Variants in ERC1 observed in about 807,000 individuals in gnomAD.
ERC1 encodes the protein RAB6 interacting protein 2.
ERC1 carries 56 observed loss-of-function variants against 132.0 expected under a neutral mutation model. The observed-to-expected ratio is 0.42, with a 90% CI of 0.34 to 0.53. ERC1 has a LOEUF of 0.53. Ranked by LOEUF, ERC1 falls within the 20% of genes least tolerant of loss-of-function variation. The pLI is 0.03. For synonymous variants in ERC1, 478 were observed against 476.1 expected (o/e 1.00, Z -0.05); for missense variants, 1,202 against 1,349.9 (o/e 0.89, Z 1.72).
chr12:1,349,198 C>G (rs1384718581), intron 15 of ERC1, among the ~76,000 whole-genome samples: 1 of 152,192 alleles, frequency 6.6e-6, no homozygotes, highest in Admixed American at 6.5e-5. Context: ...GTGTTTATAA[C>G]AGAGTCCCAA....
chr12:1,489,235 G>A (rs1338725962), intron 18 of ERC1, among the ~76,000 whole-genome samples: 1 of 152,108 alleles, frequency 6.6e-6, no homozygotes, highest in Non-Finnish European at 1.5e-5. Context: ...GTTCTTCTGC[G>A]CTAAGCCTCC....
intron 16 of ERC1, among the ~76,000 whole-genome samples, chr12:1,379,832 T>G (rs1591639555): frequency 6.6e-6 from 1 of 152,086 alleles, no homozygotes; most frequent in African/African-American, 2.4e-5. Flanking sequence ...CCTTATTCTG[T>G]TCACACAGAC....
chr12:1,151,657 A>G (rs187195914), intron 8 of ERC1, among the ~76,000 whole-genome samples: 3 of 152,312 alleles, frequency 2.0e-5, no homozygotes, highest in East Asian at 1.9e-4. Context: ...GCACTTTTCT[A>G]TGTGAATTAT....
At chr12:1,039,877 C>T (rs1969876583) in intron 2 of ERC1, among the ~76,000 whole-genome samples, 1 of 152,126 alleles carries the variant, frequency 6.6e-6, no homozygotes, top group Non-Finnish European at 1.5e-5. Context: ...GAGGGAGAAG[C>T]CATTAGAAGA....
At chr12:1,007,540 C>CTCTCTGTGTG (rs1555194875) in intron 1 of ERC1, among the ~76,000 whole-genome samples, 3,563 of 122,660 alleles carry the variant, frequency 0.029, 86 homozygotes, top group South Asian at 0.057. Flanking sequence ...CTCTCTCTCT[C>CTCTCTGTGTG]TGTGTGTGTG....
intron 16 of ERC1, among the ~76,000 whole-genome samples, chr12:1,402,390 C>T (rs887816079): frequency 6.6e-6 from 1 of 151,998 alleles, no homozygotes; most frequent in African/African-American, 2.4e-5. Flanking sequence ...GTTAGCTGGG[C>T]ATGGTGGCGG....
intron 2 of ERC1, among the ~76,000 whole-genome samples, chr12:1,081,421 G>A (rs1289321770): frequency 6.6e-6 from 1 of 152,040 alleles, no homozygotes; most frequent in African/African-American, 2.4e-5. Context: ...ATTATCTTTG[G>A]GTATTACCAG....
chr12:1,248,481 G>A lies in ERC1; in HGVS notation c.2487+11577G>A, dbSNP rs78036609. On this transcript the variant is annotated intron_variant, in intron 13 of 18. Transcript: ENST00000360905. ...CCAAAGGATATTGAGATCTGAAAAAGCCTTATAAAAAGTGGAGAAGACAAA... is the reference window on the plus strand; with the variant it reads ...CCAAAGGATATTGAGATCTGAAAAAACCTTATAAAAAGTGGAGAAGACAAA... 5.5e-3 allele frequency among the ~76,000 whole-genome samples: 841 copies of A among 152,210 alleles called. 8 individuals are homozygous for A. Among genetic ancestry groups the A allele is most frequent in the Non-Finnish European group, 9.8e-3 (669 of 68,016 alleles).
intron 2 of ERC1, among the ~76,000 whole-genome samples, chr12:1,032,224 G>A (rs1968177985): frequency 6.6e-6 from 1 of 151,902 alleles, no homozygotes. Context: ...GCTAATTTTT[G>A]TATTTTAGTA....
chr12:1,106,658 C>A (rs544274681), intron 4 of ERC1, among the ~76,000 whole-genome samples: 5 of 151,722 alleles, frequency 3.3e-5, no homozygotes, highest in African/African-American at 1.2e-4. Context: ...CCTTTAGAAT[C>A]GTTCAGTTGC....
At chr12:1,202,026 A>G (rs1463748336) in intron 12 of ERC1, among the ~76,000 whole-genome samples, 1 of 152,174 alleles carries the variant, frequency 6.6e-6, no homozygotes, top group Admixed American at 6.5e-5. Context: ...AGGAAAAGAA[A>G]GATACCAGCA....
upstream of ERC1, chr12:990,952 A>AGTGTGTGTGAGT (rs1555185839): frequency 1.3e-5 from 2 of 150,032 alleles, no homozygotes; most frequent in Non-Finnish European, 3.0e-5. Flanking sequence ...TGTGTGTGTG[A>AGTGTGTGTGAGT]GTGTGTGTGT....
chr12:1,119,552 TGTGTGTGTGTGTGTGTGA>T (rs1226137910), intron 7 of ERC1, among the ~76,000 whole-genome samples: 2,039 of 107,520 alleles, frequency 0.019, 55 homozygotes, highest in South Asian at 0.033. Flanking sequence ...TGTGTGTGTG[TGTGTGTGTGTGTGTGTGA>T]GATGGAGTTT....
At chr12:1,302,839 A>T (rs549970967) in intron 15 of ERC1, among the ~76,000 whole-genome samples, 2 of 152,174 alleles carry the variant, frequency 1.3e-5, no homozygotes, top group South Asian at 4.2e-4. Context: ...GGCACACACC[A>T]GTGGTCCCAG....
intron 18 of ERC1, among the ~76,000 whole-genome samples, chr12:1,488,234 A>G (rs1421491064): frequency 1.3e-5 from 2 of 151,472 alleles, no homozygotes; most frequent in Non-Finnish European, 2.9e-5. Context: ...CCCCACCCTC[A>G]GCCTCCCAAG....
intron 14 of ERC1, among the ~76,000 whole-genome samples, chr12:1,264,437 C>T (rs927062071): frequency 6.6e-5 from 10 of 151,936 alleles, no homozygotes; most frequent in South Asian, 4.2e-4. Context: ...CCGAGGCGGG[C>T]GGATCACTTG....
At chr12:1,071,255 C>T (rs772693636) in intron 2 of ERC1, among the ~76,000 whole-genome samples, 25 of 152,212 alleles carry the variant, frequency 1.6e-4, no homozygotes, top group Non-Finnish European at 3.2e-4. Context: ...GTGCATACTT[C>T]ACTTCGTGAG....
chr12:1,316,078 T>C (rs12306160), intron 15 of ERC1, among the ~76,000 whole-genome samples: 60,249 of 151,768 alleles, frequency 0.4, 12,395 homozygotes, highest in Middle Eastern at 0.52. Flanking sequence ...TTAGTAGAAA[T>C]GGGGTTTCAC....
At chr12:1,455,269 A>G (rs2093506291) in intron 18 of ERC1, among the ~76,000 whole-genome samples, 1 of 152,200 alleles carries the variant, frequency 6.6e-6, no homozygotes, top group Admixed American at 6.5e-5. Context: ...ACAACAGATT[A>G]ACATTAACTG....
Sources: allele counts gnomAD v4.1 joint callset (sites outside exome capture counted in the v4.1 genomes callset), GRCh38; gene constraint gnomAD v4.1.1; transcripts MANE v1.5; gene names NCBI Gene and HGNC (gene_info 2026-07-23, HGNC 2026-07-21).